NEMP2: variants seen among roughly 807,000 people sequenced by gnomAD.
NEMP2 encodes UPF0571 transmembrane protein.
NEMP2 carries 53 observed loss-of-function variants against 54.2 expected under a neutral mutation model. That is an observed-to-expected ratio of 0.98 (90% confidence interval 0.78 to 1.23). The LOEUF (loss-of-function observed/expected upper bound fraction) is 1.23, where lower values mean the gene tolerates loss of function less well. NEMP2 is among the 50% of genes most tolerant of loss of function. The probability of loss-of-function intolerance (pLI) is 0.00; values close to 1 mark genes in which losing one functional copy is unlikely to be tolerated. For synonymous variants in NEMP2, 197 were observed against 190.3 expected, an observed-to-expected ratio of 1.04 and a Z score of -0.29; for missense variants, 455 against 511.3, an observed-to-expected ratio of 0.89 and a Z score of 1.06.
At chr2:190,443,871 A>C in the NEMP2 span, among the ~76,000 whole-genome samples, 5 of 152,186 alleles carry the variant, frequency 3.3e-5, no homozygotes, top group African/African-American at 1.2e-4. The surrounding 1 kb of genome is among the most constrained non-coding windows in gnomAD (Gnocchi z 4.2). Flanking sequence ...CCTGGGCAAC[A>C]TGGTGAGACC....
rs1308881866 is a variant in NEMP2 at position 190,519,633 on chromosome 2, G to A, written c.214-450C>T. 6.6e-6 allele frequency among the ~76,000 whole-genome samples: 1 copy of A among 152,220 alleles called. No homozygotes were observed. Among genetic ancestry groups the A allele is most frequent in the East Asian group, 1.9e-4 (1 of 5,194 alleles). On this transcript the variant is annotated intron_variant, in intron 2 of 8. Coordinates refer to ENST00000409150, the MANE Select transcript of NEMP2 (RefSeq NM_001142645.2). This position sits in a 1 kb window ranked among gnomAD's most constrained non-coding sequence, Gnocchi z 5.4. ...GGTAGAGTTCTATGTTCTGATCCCA[G>A]AGGTGGACTCAAGAGATCTGTATTT... is the stretch of plus-strand genomic sequence containing the variant.
the NEMP2 span, among the ~76,000 whole-genome samples, chr2:190,558,313 G>T: frequency 6.6e-6 from 1 of 152,240 alleles, no homozygotes; most frequent in African/African-American, 2.4e-5. The surrounding 1 kb of genome is among the most constrained non-coding windows in gnomAD (Gnocchi z 4.4). Context: ...CACCCACCGG[G>T]GCCTGTTTGG....
chr2:190,573,630 A>T, the NEMP2 span, among the ~76,000 whole-genome samples: 2 of 152,338 alleles, frequency 1.3e-5, no homozygotes, highest in South Asian at 4.1e-4. Flanking sequence ...AAATAGACCA[A>T]GAAATAAATC....
At chr2:190,448,635 GATTTACATAT>G in the NEMP2 span, among the ~76,000 whole-genome samples, 3 of 152,142 alleles carry the variant, frequency 2.0e-5, no homozygotes, top group Non-Finnish European at 4.4e-5. Context: ...TATTTTTATG[GATTTACATAT>G]ATATAAAGAC....
downstream of NEMP2, chr2:190,500,172 A>C (rs145686170): frequency 1.4e-3 from 2,213 of 1,614,178 alleles, 2 homozygotes; most frequent in Non-Finnish European, 1.8e-3. The surrounding 1 kb of genome is among the most constrained non-coding windows in gnomAD (Gnocchi z 5.3). Flanking sequence ...CCGTGCACAG[A>C]GGAGAGTGAA....
the NEMP2 span, among the ~76,000 whole-genome samples, chr2:190,638,545 G>A: frequency 6.6e-6 from 1 of 152,118 alleles, no homozygotes; most frequent in Admixed American, 6.5e-5. This position sits in a 1 kb window ranked among gnomAD's most constrained non-coding sequence, Gnocchi z 5.7. Flanking sequence ...CTGAGAGGGT[G>A]GAAGGACAGA....
the NEMP2 span, among the ~76,000 whole-genome samples, chr2:190,579,050 T>A: frequency 6.6e-6 from 1 of 152,144 alleles, no homozygotes; most frequent in Admixed American, 6.5e-5. Context: ...ATAGTGTTGG[T>A]CACAGGGCAG....
chr2:190,477,491 C>G, the NEMP2 span: 1,219 of 404,244 alleles, frequency 3.0e-3, 61 homozygotes, highest in Admixed American at 0.074. Flanking sequence ...CCATAAGTGA[C>G]CCAAGAAAAG....
At chr2:190,427,930 C>T in the NEMP2 span, among the ~76,000 whole-genome samples, 3 of 152,164 alleles carry the variant, frequency 2.0e-5, no homozygotes, top group African/African-American at 7.2e-5. Flanking sequence ...TGGGGTTTCA[C>T]CACGTTGATC....
the NEMP2 span, among the ~76,000 whole-genome samples, chr2:190,633,197 T>C: frequency 6.6e-6 from 1 of 152,204 alleles, no homozygotes; most frequent in African/African-American, 2.4e-5. Context: ...GAGGCACATA[T>C]ATCATGCCTT....
chr2:190,514,378 G>A lies in NEMP2; in HGVS notation c.953+75C>T. 7.7e-7 allele frequency: 1 copy of A among 1,294,016 alleles called. No homozygotes were observed. The highest frequency in any genetic ancestry group is 1.1e-6 in the Non-Finnish European group (1 of 916,490). 80.2% of individuals were successfully genotyped at this position (1,294,016 alleles called of 1,614,324 possible). ...TGTAATTATGAGATTAACATGATGTGTGCAAACACTCTCCCAAATAATAAA... is the reference window on the plus strand; with the variant it reads ...TGTAATTATGAGATTAACATGATGTATGCAAACACTCTCCCAAATAATAAA... On this transcript the variant is annotated intron_variant, in intron 7 of 8. Coordinates refer to ENST00000409150, the MANE Select transcript of NEMP2 (RefSeq NM_001142645.2). This position sits in a 1 kb window ranked among gnomAD's most constrained non-coding sequence, Gnocchi z 5.7.
chr2:190,509,102 A>G lies in NEMP2; in HGVS notation c.*87T>C. The G allele has an allele frequency of 6.7e-7, 1 of 1,503,508 alleles. No individual in the cohort carries two copies. The highest frequency in any genetic ancestry group is 8.9e-7 in the Non-Finnish European group (1 of 1,121,740). 93.1% of individuals were successfully genotyped at this position (1,503,508 alleles called of 1,614,324 possible). On this transcript the variant is annotated 3_prime_UTR_variant, in exon 9 of 9. Coordinates refer to ENST00000409150, the MANE Select transcript of NEMP2 (RefSeq NM_001142645.2). The surrounding 1 kb of genome is among the most constrained non-coding windows in gnomAD (Gnocchi z 6.1). ...ACAGCAAATGTTTTTGCCACCGTTC[A>G]CTAGAACAGTTCTGCCTAACTTTAA...
chr2:190,576,001 G>A, the NEMP2 span, among the ~76,000 whole-genome samples: 6 of 150,750 alleles, frequency 4.0e-5, no homozygotes, highest in African/African-American at 1.5e-4. Flanking sequence ...TTGAGGCAGG[G>A]TCTCCCTCTG....
chr2:190,634,593 G>A, the NEMP2 span, among the ~76,000 whole-genome samples: 1 of 152,264 alleles, frequency 6.6e-6, no homozygotes, highest in Middle Eastern at 3.4e-3. The surrounding 1 kb of genome is among the most constrained non-coding windows in gnomAD (Gnocchi z 6.8). Flanking sequence ...TACATGTGAG[G>A]CCCTGAATCA....
At chr2:190,581,974 G>C in the NEMP2 span, among the ~76,000 whole-genome samples, 1 of 152,148 alleles carries the variant, frequency 6.6e-6, no homozygotes, top group Admixed American at 6.6e-5. Context: ...CCTGAAAGCT[G>C]GTAGTGCGGC....
the NEMP2 span, among the ~76,000 whole-genome samples, chr2:190,428,717 A>G: frequency 6.6e-6 from 1 of 151,972 alleles, no homozygotes; most frequent in Non-Finnish European, 1.5e-5. Flanking sequence ...TCTTTCACCC[A>G]TGCTGGAGGG....
chr2:190,574,024 C>A, the NEMP2 span, among the ~76,000 whole-genome samples: 2 of 152,322 alleles, frequency 1.3e-5, no homozygotes, highest in Admixed American at 1.3e-4. Context: ...TAGGAAGCTG[C>A]AGAGCTGGCT....
chr2:190,600,675 T>C, the NEMP2 span, among the ~76,000 whole-genome samples: 3 of 152,124 alleles, frequency 2.0e-5, no homozygotes, highest in African/African-American at 7.2e-5. This position sits in a 1 kb window ranked among gnomAD's most constrained non-coding sequence, Gnocchi z 4.9. Flanking sequence ...CCAGCCCCCT[T>C]TTCACCTTTT....
chr2:190,473,903 T>G, the NEMP2 span, among the ~76,000 whole-genome samples: 1 of 152,262 alleles, frequency 6.6e-6, no homozygotes, highest in East Asian at 1.9e-4. Context: ...AACTCAGGAT[T>G]AAGAAACTCA....
Sources: gnomAD v4.1 joint callset for allele counts (sites outside exome capture counted in the v4.1 genomes callset) on GRCh38, gnomAD v4.1.1 for gene constraint, Gnocchi (gnomAD v3.1) non-coding constraint, MANE v1.5 for transcripts, NCBI Gene and HGNC (gene_info 2026-07-23, HGNC 2026-07-21) for gene names.